CSMD1: variants seen among roughly 807,000 people sequenced by gnomAD.
The protein encoded by CSMD1 is CUB and sushi domain-containing protein 1.
A neutral mutation model predicts 417.5 loss-of-function variants in CSMD1; 213 were observed. That is an observed-to-expected ratio of 0.51 (90% CI 0.46 to 0.57). The LOEUF (loss-of-function observed/expected upper bound fraction) is 0.57, where lower values mean the gene tolerates loss of function less well. CSMD1 is among the 20% of genes least tolerant of loss of function. The pLI is 0.00. For synonymous variants in CSMD1, 2,862 were observed against 1,736.8 expected (o/e 1.65, Z -16.11); for missense variants, 6,923 against 4,529.7 (o/e 1.53, Z -15.17).
chr8:3,224,254 A>G (rs1798372445), intron 27 of CSMD1, among the ~76,000 whole-genome samples: 1 of 152,258 alleles, frequency 6.6e-6, no homozygotes, highest in African/African-American at 2.4e-5. Flanking sequence ...TCCCATGGAC[A>G]TGATTTTATG....
At chr8:3,230,367 A>T in intron 26 of CSMD1, 136 bp from the exon 27 acceptor site, 1 of 550,760 alleles carries the variant, frequency 1.8e-6, no homozygotes, top group Non-Finnish European at 3.0e-6. Flanking sequence ...AACATACGAA[A>T]ATAGTTTCTT....
chr8:3,059,478 A>G (rs778444364), intron 49 of CSMD1, among the ~76,000 whole-genome samples: 7 of 152,164 alleles, frequency 4.6e-5, no homozygotes, highest in Non-Finnish European at 1.0e-4. Flanking sequence ...GCCGCTGTGA[A>G]GCGAAAATGC....
chr8:3,433,957 T>A (rs28539907), intron 12 of CSMD1, among the ~76,000 whole-genome samples: 2 of 151,968 alleles, frequency 1.3e-5, no homozygotes, highest in East Asian at 1.9e-4. Flanking sequence ...CAGGCAAGAC[T>A]CCCCTCTGGA....
intron 28 of CSMD1, among the ~76,000 whole-genome samples, chr8:3,221,462 A>G (rs1798208525): frequency 6.6e-6 from 1 of 152,142 alleles, no homozygotes; most frequent in South Asian, 2.1e-4. Flanking sequence ...CATATCCCCA[A>G]TATTTGGCTT....
At chr8:3,859,218 C>T (rs941056815) in intron 5 of CSMD1, among the ~76,000 whole-genome samples, 1 of 152,154 alleles carries the variant, frequency 6.6e-6, no homozygotes, top group African/African-American at 2.4e-5. Flanking sequence ...CGTGGGAAAG[C>T]CACCATTCAA....
intron 8 of CSMD1, among the ~76,000 whole-genome samples, chr8:3,601,875 A>G (rs1801377049): frequency 6.6e-6 from 1 of 152,096 alleles, no homozygotes; most frequent in South Asian, 2.1e-4. Flanking sequence ...AGCAAAGGAG[A>G]GAGTTAGTGT....
At position 4,276,550 on chromosome 8, in the gene CSMD1, C is replaced by G. The variant is rs149598420; in HGVS notation, c.415+143403G>C. Among the ~76,000 whole-genome samples, 559 of 152,122 alleles carry G rather than the reference C, an allele frequency of 3.7e-3. 2 individuals carry two copies. Among genetic ancestry groups the G allele is most frequent in the Middle Eastern group, 0.014 (4 of 294 alleles). On this transcript the variant is annotated intron_variant, in intron 3 of 69. Coordinates refer to ENST00000635120, the MANE Select transcript of CSMD1 (RefSeq NM_033225.6). Reference sequence around the variant, plus strand: ...GGCACATGTTTAACTACGTAACAAACCTGCACGTTCTGCACATGTACCCCA... The same window carrying G: ...GGCACATGTTTAACTACGTAACAAAGCTGCACGTTCTGCACATGTACCCCA...
At chr8:3,097,255 T>A (rs142136006) in intron 46 of CSMD1, among the ~76,000 whole-genome samples, 3 of 152,304 alleles carry the variant, frequency 2.0e-5, no homozygotes, top group African/African-American at 7.2e-5. Context: ...ACACTCAGCC[T>A]GCACACTCCT....
At chr8:4,356,993 A>G (rs989598518) in intron 3 of CSMD1, among the ~76,000 whole-genome samples, 30 of 152,380 alleles carry the variant, frequency 2.0e-4, no homozygotes, top group African/African-American at 7.2e-4. Context: ...ATGTGAATAT[A>G]TGAAGATAAA....
At chr8:3,105,251 G>C (rs1173829082) in intron 46 of CSMD1, among the ~76,000 whole-genome samples, 4 of 152,134 alleles carry the variant, frequency 2.6e-5, no homozygotes, top group African/African-American at 7.2e-5. Flanking sequence ...CTGCCTGATG[G>C]GGTGACTCTG....
chr8:3,390,083 G>A (rs189938027), intron 17 of CSMD1, among the ~76,000 whole-genome samples: 5 of 152,080 alleles, frequency 3.3e-5, no homozygotes, highest in African/African-American at 1.2e-4. Flanking sequence ...GGCTGGGCAC[G>A]GTGGCTCATG....
chr8:3,472,892 A>T (rs1308023218), intron 11 of CSMD1, among the ~76,000 whole-genome samples: 4 of 150,706 alleles, frequency 2.7e-5, no homozygotes, highest in African/African-American at 7.3e-5. Flanking sequence ...CTGTTGGGGG[A>T]GTTTATTTTC....
intron 3 of CSMD1, among the ~76,000 whole-genome samples, chr8:4,190,278 A>T (rs535889112): frequency 6.8e-6 from 1 of 146,732 alleles, no homozygotes; most frequent in Non-Finnish European, 1.5e-5. Flanking sequence ...AAAAAAAAGC[A>T]GAGACTCTGG....
chr8:4,234,094 C>A (rs540421233), intron 3 of CSMD1, among the ~76,000 whole-genome samples: 1 of 152,154 alleles, frequency 6.6e-6, no homozygotes, highest in Non-Finnish European at 1.5e-5. Flanking sequence ...CTAACCTACA[C>A]AAGTACATCA....
At chr8:4,659,599 A>C (rs1408575990) in intron 1 of CSMD1, among the ~76,000 whole-genome samples, 1 of 152,236 alleles carries the variant, frequency 6.6e-6, no homozygotes, top group East Asian at 1.9e-4. Flanking sequence ...ATCCATAGAC[A>C]CAGAAAACAG....
At chr8:3,244,767 C>A (rs78404135) in intron 26 of CSMD1, among the ~76,000 whole-genome samples, 1 of 152,174 alleles carries the variant, frequency 6.6e-6, no homozygotes, top group African/African-American at 2.4e-5. Flanking sequence ...AAGTAATAAG[C>A]GGAAATCCAG....
intron 3 of CSMD1, among the ~76,000 whole-genome samples, chr8:4,085,172 T>A (rs559079271): frequency 8.6e-4 from 131 of 152,276 alleles, no homozygotes; most frequent in African/African-American, 2.9e-3. Context: ...CAGACTCTGC[T>A]GAGGATGGCA....
chr8:4,583,094 C>G (rs1035868074), intron 2 of CSMD1, among the ~76,000 whole-genome samples: 2 of 152,190 alleles, frequency 1.3e-5, no homozygotes, highest in African/African-American at 4.8e-5. Context: ...TGCAGCCCGC[C>G]GTGCCTGAGC....
At chr8:3,277,298 G>C (rs575104983) in intron 26 of CSMD1, among the ~76,000 whole-genome samples, 1 of 152,156 alleles carries the variant, frequency 6.6e-6, no homozygotes, top group African/African-American at 2.4e-5. Flanking sequence ...AAGCAGAAGT[G>C]AGGCGTTGCC....
Sources: allele counts gnomAD v4.1 joint callset (sites outside exome capture counted in the v4.1 genomes callset), GRCh38; gene constraint gnomAD v4.1.1; transcripts MANE v1.5; gene names NCBI Gene and HGNC (gene_info 2026-07-23, HGNC 2026-07-21).